Variants in SPAG16 observed in about 807,000 individuals in gnomAD.
SPAG16 encodes sperm associated antigen 16.
SPAG16 carries 86 observed loss-of-function variants against 80.4 expected under a neutral mutation model. The ratio of observed to expected loss-of-function variants is 1.07; its 90% CI spans 0.90 to 1.28. The LOEUF is 1.28. SPAG16 is among the 50% of genes most tolerant of loss of function. The pLI is 0.00. For synonymous variants in SPAG16, 294 were observed against 265.9 expected (o/e 1.11, Z -1.03); for missense variants, 870 against 765.3 (o/e 1.14, Z -1.61).
At chr2:213,830,699 C>T (rs1043306264) in intron 10 of SPAG16, among the ~76,000 whole-genome samples, 6 of 152,144 alleles carry the variant, frequency 3.9e-5, no homozygotes, top group East Asian at 1.9e-4. Flanking sequence ...TTTACACCAA[C>T]TACTTGACAT....
intron 14 of SPAG16, among the ~76,000 whole-genome samples, chr2:214,131,013 G>T (rs1272271330): frequency 6.6e-6 from 1 of 152,042 alleles, no homozygotes; most frequent in Admixed American, 6.6e-5. Context: ...CAGGAAGTTG[G>T]GCCAGTCTAT....
chr2:214,026,438 T>C (rs2048136318), intron 13 of SPAG16, among the ~76,000 whole-genome samples: 1 of 151,500 alleles, frequency 6.6e-6, no homozygotes, highest in Non-Finnish European at 1.5e-5. Flanking sequence ...CACATAAAGA[T>C]GTTTGTGTAA....
At chr2:213,383,250 A>G (rs2067265566) in intron 9 of SPAG16, among the ~76,000 whole-genome samples, 1 of 152,166 alleles carries the variant, frequency 6.6e-6, no homozygotes, top group African/African-American at 2.4e-5. Flanking sequence ...TGTAAATACA[A>G]AGATATTATT....
chr2:213,836,388 T>C (rs1482697847), intron 10 of SPAG16, among the ~76,000 whole-genome samples: 2 of 152,168 alleles, frequency 1.3e-5, no homozygotes, highest in East Asian at 1.9e-4. Context: ...AGAGAGGTAT[T>C]GACAAATTTT....
intron 14 of SPAG16, among the ~76,000 whole-genome samples, chr2:214,115,981 G>A (rs907248045): frequency 6.6e-6 from 1 of 152,016 alleles, no homozygotes; most frequent in African/African-American, 2.4e-5. Flanking sequence ...GATTCAGGTA[G>A]GAGGCTGCAG....
chr2:213,603,756 T>C (rs1256739378), intron 10 of SPAG16, among the ~76,000 whole-genome samples: 1 of 152,218 alleles, frequency 6.6e-6, no homozygotes, highest in Admixed American at 6.5e-5. Flanking sequence ...CAAACTCTTT[T>C]TCTTTCCTAC....
intron 13 of SPAG16, among the ~76,000 whole-genome samples, chr2:214,068,078 T>C (rs971492913): frequency 1.3e-5 from 2 of 152,158 alleles, no homozygotes; most frequent in Non-Finnish European, 2.9e-5. Flanking sequence ...GAACACAGAA[T>C]TTATTTCCAC....
At chr2:213,928,558 A>G (rs971455515) in intron 11 of SPAG16, among the ~76,000 whole-genome samples, 3 of 152,178 alleles carry the variant, frequency 2.0e-5, no homozygotes, top group Non-Finnish European at 4.4e-5. Context: ...GAGCAAGAAA[A>G]CAAAATATTT....
chr2:214,404,192 T>G (rs1331900522), intron 15 of SPAG16, among the ~76,000 whole-genome samples: 1 of 152,040 alleles, frequency 6.6e-6, no homozygotes, highest in African/African-American at 2.4e-5. Context: ...GTAGAGATCT[T>G]AAAAGCCATG....
intron 15 of SPAG16, among the ~76,000 whole-genome samples, chr2:214,401,048 A>G (rs1315935116): frequency 6.6e-6 from 1 of 152,010 alleles, no homozygotes; most frequent in African/African-American, 2.4e-5. Context: ...CGCAAGCAAT[A>G]TTTTTTTCTG....
intron 10 of SPAG16, among the ~76,000 whole-genome samples, chr2:213,590,755 A>C (rs2060658988): frequency 6.6e-6 from 1 of 152,228 alleles, no homozygotes; most frequent in African/African-American, 2.4e-5. Flanking sequence ...TTCTCAAAGT[A>C]CTAAAATTAG....
At chr2:213,625,148 A>G (rs961647910) in intron 10 of SPAG16, among the ~76,000 whole-genome samples, 2 of 152,138 alleles carry the variant, frequency 1.3e-5, no homozygotes, top group African/African-American at 4.8e-5. Context: ...TACTTCATGT[A>G]TTAGTCCGTT....
chr2:213,999,540 T>G (rs2046688895), intron 12 of SPAG16, among the ~76,000 whole-genome samples: 1 of 152,244 alleles, frequency 6.6e-6, no homozygotes, highest in Non-Finnish European at 1.5e-5. Context: ...AATGTGTGGC[T>G]GGAGCCCCCA....
intron 10 of SPAG16, among the ~76,000 whole-genome samples, chr2:213,643,254 T>TG (rs2062672113): frequency 6.7e-6 from 1 of 148,500 alleles, no homozygotes; most frequent in African/African-American, 2.5e-5. Context: ...TTTGTTTGTT[T>TG]TTATTCAGCA....
At chr2:213,902,560 C>G (rs2018869) in intron 11 of SPAG16, among the ~76,000 whole-genome samples, 36,795 of 152,126 alleles carry the variant, frequency 0.24, 4,991 homozygotes, top group South Asian at 0.36. Context: ...TGCAAATTAT[C>G]TCCCACCAGG....
intron 12 of SPAG16, among the ~76,000 whole-genome samples, chr2:213,932,873 A>G (rs1446841647): frequency 6.6e-6 from 1 of 152,028 alleles, no homozygotes; most frequent in African/African-American, 2.4e-5. Context: ...GTGAATAATT[A>G]ACAGTAGCTT....
chr2:213,677,006 C>G (rs1484328644), intron 10 of SPAG16, among the ~76,000 whole-genome samples: 4 of 151,858 alleles, frequency 2.6e-5, no homozygotes, highest in Non-Finnish European at 2.9e-5. Context: ...GTGAATCCAT[C>G]TGGTCCTGGA....
chr2:213,433,681 A>T (rs1308719051), intron 9 of SPAG16, among the ~76,000 whole-genome samples: 8 of 152,164 alleles, frequency 5.3e-5, no homozygotes, highest in Non-Finnish European at 1.2e-4. Flanking sequence ...ACCCAAAGCA[A>T]TCTACAGGTT....
intron 12 of SPAG16, among the ~76,000 whole-genome samples, chr2:213,982,935 A>G (rs2045833818): frequency 6.6e-6 from 1 of 152,034 alleles, no homozygotes; most frequent in Non-Finnish European, 1.5e-5. Context: ...TACAATTACT[A>G]TAATTTAAAA....
Sources: gnomAD v4.1 joint callset for allele counts (sites outside exome capture counted in the v4.1 genomes callset) on GRCh38, gnomAD v4.1.1 for gene constraint, MANE v1.5 for transcripts, NCBI Gene and HGNC (gene_info 2026-07-23, HGNC 2026-07-21) for gene names.